Variants in SRGAP3 observed in about 807,000 individuals in gnomAD.
SRGAP3 encodes the protein SLIT-ROBO Rho GTPase-activating protein 3.
Under a neutral mutation model 121.1 loss-of-function variants are expected in SRGAP3, and 39 were observed. The observed-to-expected ratio is 0.32, with a 90% CI of 0.25 to 0.42. The LOEUF (loss-of-function observed/expected upper bound fraction) is 0.42. Among genes scored for constraint, SRGAP3 ranks in the 10% least tolerant of loss-of-function variants. The probability of loss-of-function intolerance (pLI) is 1.00; values close to 1 mark genes in which losing one functional copy is unlikely to be tolerated. For synonymous variants in SRGAP3, 601 were observed against 570.0 expected, an observed-to-expected ratio of 1.05 and a Z score of -0.77; for missense variants, 1,213 against 1,470.6, an observed-to-expected ratio of 0.82 and a Z score of 2.86.
intron 21 of SRGAP3, among the ~76,000 whole-genome samples, chr3:8,986,159 T>C (rs1292523393): frequency 6.6e-6 from 1 of 152,180 alleles, no homozygotes; most frequent in Non-Finnish European, 1.5e-5. Flanking sequence ...GTCAGACTAC[T>C]GATAAAGAGG....
At chr3:9,129,617 T>C (rs902027588) in intron 1 of SRGAP3, among the ~76,000 whole-genome samples, 7 of 151,960 alleles carry the variant, frequency 4.6e-5, no homozygotes, top group African/African-American at 1.7e-4. Context: ...CTAGCGCTGT[T>C]TGGGTTTTTT....
At chr3:9,307,684 T>C (rs929277840) in intron 3 of SRGAP3, among the ~76,000 whole-genome samples, 3 of 152,166 alleles carry the variant, frequency 2.0e-5, no homozygotes, top group African/African-American at 7.2e-5. Context: ...CCTACACAGA[T>C]GGCATCTTTG....
intron 3 of SRGAP3, among the ~76,000 whole-genome samples, chr3:9,261,482 T>A (rs1954254775): frequency 6.6e-6 from 1 of 151,908 alleles, no homozygotes; most frequent in African/African-American, 2.4e-5. Flanking sequence ...CTAACTAGAA[T>A]AACCAGTTTA....
chr3:9,298,843 G>A (rs1279200560), intron 3 of SRGAP3, among the ~76,000 whole-genome samples: 1 of 151,920 alleles, frequency 6.6e-6, no homozygotes, highest in African/African-American at 2.4e-5. Context: ...CTTGAGGCCA[G>A]GAGTTTGAGA....
At chr3:9,084,246 C>A (rs1043834785) in intron 3 of SRGAP3, among the ~76,000 whole-genome samples, 3 of 152,128 alleles carry the variant, frequency 2.0e-5, no homozygotes, top group Admixed American at 6.5e-5. Flanking sequence ...ATGAATTTGC[C>A]CAGGAATTCA....
chr3:9,165,941 G>A (rs144208945), intron 1 of SRGAP3, among the ~76,000 whole-genome samples: 8 of 152,290 alleles, frequency 5.3e-5, no homozygotes, highest in African/African-American at 1.9e-4. Context: ...GTGATTATCT[G>A]ATTAATGAGG....
At chr3:9,205,528 A>G (rs983571594) in intron 1 of SRGAP3, among the ~76,000 whole-genome samples, 3 of 152,188 alleles carry the variant, frequency 2.0e-5, no homozygotes, top group African/African-American at 7.2e-5. Flanking sequence ...GCATCACCAC[A>G]CAGAGGACAG....
chr3:9,155,312 T>C (rs956390438), intron 1 of SRGAP3, among the ~76,000 whole-genome samples: 1 of 152,222 alleles, frequency 6.6e-6, no homozygotes, highest in Non-Finnish European at 1.5e-5. Context: ...CTTTTCTCTC[T>C]GGAGGCTTTG....
chr3:9,348,416 T>G (rs2125293405), intron 1 of SRGAP3: 1 of 596,110 alleles, frequency 1.7e-6, no homozygotes, highest in East Asian at 2.9e-5. Context: ...CGAACCCCAG[T>G]CAGCGTCGCA....
chr3:9,182,848 A>T (rs1951466539), intron 1 of SRGAP3, among the ~76,000 whole-genome samples: 1 of 151,928 alleles, frequency 6.6e-6, no homozygotes, highest in Non-Finnish European at 1.5e-5. Flanking sequence ...ATAGAGATGG[A>T]GGTCTCACTG....
chr3:9,198,043 T>C (rs1044062910), intron 1 of SRGAP3, among the ~76,000 whole-genome samples: 2 of 152,248 alleles, frequency 1.3e-5, no homozygotes, highest in Admixed American at 1.3e-4. Context: ...AGGTTGTCTG[T>C]TGCTTTATAG....
rs575317921 is a variant in SRGAP3 at position 9,185,477 on chromosome 3, T to TG, written c.68-60561dup. ...TATCAATGGCACCCCTTTGTTGGGG[T>TG]GGGGGGGCACTGCACTGGATAAATG... On this transcript the variant is annotated intron_variant, in intron 1 of 21. Coordinates refer to ENST00000383836, the MANE Select transcript of SRGAP3 (RefSeq NM_014850.4). 7.6e-3 allele frequency among the ~76,000 whole-genome samples: 1,150 copies of TG among 151,650 alleles called. 6 individuals carry two copies. Among genetic ancestry groups the TG allele is most frequent in the Non-Finnish European group, 0.011 (768 of 67,870 alleles).
intron 1 of SRGAP3, among the ~76,000 whole-genome samples, chr3:9,347,601 T>C (rs545165900): frequency 4.2e-4 from 64 of 152,286 alleles, no homozygotes; most frequent in Admixed American, 3.5e-3. Context: ...TTTATTAGAA[T>C]ATGAAAGACT....
intron 13 of SRGAP3, among the ~76,000 whole-genome samples, 163 bp from the exon 14 acceptor site, chr3:9,025,501 G>A (rs894098231): frequency 6.6e-6 from 1 of 152,126 alleles, no homozygotes; most frequent in Non-Finnish European, 1.5e-5. Context: ...TGGCCTTCAC[G>A]GTAAAGTACA....
chr3:9,133,303 G>A (rs372883157), intron 1 of SRGAP3, among the ~76,000 whole-genome samples: 104 of 151,992 alleles, frequency 6.8e-4, no homozygotes, highest in Admixed American at 2.0e-4. Context: ...CCAACACAGC[G>A]ATACCCTGTC....
Position 9,235,037 on chromosome 3 carries a change from TC to T in SRGAP3, c.67+13847del, listed in dbSNP as rs147705336. On this transcript the variant is annotated intron_variant, in intron 1 of 21. Transcript: ENST00000383836. Reference sequence around the variant, plus strand: ...GAAGTTCTTGATGAGTTAGCTCAGTTCCCCCCAGTTTTACCCAAATCACAAA... The same window carrying T: ...GAAGTTCTTGATGAGTTAGCTCAGTTCCCCCAGTTTTACCCAAATCACAAA... 8.0e-3 allele frequency among the ~76,000 whole-genome samples: 1,220 copies of T among 151,994 alleles called. 11 individuals carry two copies. Among genetic ancestry groups the T allele is most frequent in the African/African-American group, 0.027 (1,116 of 41,424 alleles).
intron 21 of SRGAP3, among the ~76,000 whole-genome samples, chr3:8,989,999 CTG>C (rs1259125583): frequency 2.0e-5 from 3 of 152,080 alleles, no homozygotes. Flanking sequence ...TATTTCACAA[CTG>C]TGTGTGTGTG....
chr3:8,994,474 G>A lies in SRGAP3; in HGVS notation c.2277C>T (p.Ser759=), dbSNP rs149589151. ...AIAKFDYMGR[S]PRELSFKKGA... ...CCTTCTTGAAGGATAGCTCACGCGG[G>A]GACCGCCCCATGTAGTCAAACTTGG... Residue 759 remains serine, a synonymous_variant, in exon 19 of 22, where the codon TCC becomes TCT. Coordinates refer to ENST00000383836, the MANE Select transcript of SRGAP3 (RefSeq NM_014850.4). 1.4e-4 allele frequency: 221 copies of A among 1,614,054 alleles called. No individual in the cohort carries two copies. Among genetic ancestry groups the A allele is most frequent in the Admixed American group, 9.0e-4 (54 of 60,004 alleles).
rs190595268 is a variant in SRGAP3 at position 9,362,625 on chromosome 3, T to A, written n.214+215A>T. On this transcript the variant is annotated intron_variant and non_coding_transcript_variant, in intron 1 of 3. Coordinates refer to the SRGAP3 transcript ENST00000490889. Reference sequence around the variant, plus strand: ...TGAGCCCCACTATTTCTATTTTTTTTAAACTAAAGAAAAATATGAAGTAAA... The same window carrying A: ...TGAGCCCCACTATTTCTATTTTTTTAAAACTAAAGAAAAATATGAAGTAAA... 1.5e-3 allele frequency among the ~76,000 whole-genome samples: 226 copies of A among 152,134 alleles called. 1 individual carries two copies. The highest frequency in any genetic ancestry group is 4.8e-3 in the African/African-American group (199 of 41,546).
Sources: gnomAD v4.1 joint callset for allele counts (sites outside exome capture counted in the v4.1 genomes callset) on GRCh38, gnomAD v4.1.1 for gene constraint, MANE v1.5 for transcripts, NCBI Gene and HGNC (gene_info 2026-07-23, HGNC 2026-07-21) for gene names.